Variants in NBPF3 observed in about 807,000 individuals in gnomAD.
NBPF3 encodes the protein NBPF member 3, also known as NBPF family member NBPF3.
Under a neutral mutation model 78.1 loss-of-function variants are expected in NBPF3, and 57 were observed. The ratio of observed to expected loss-of-function variants is 0.73; its 90% CI spans 0.59 to 0.91. The LOEUF (loss-of-function observed/expected upper bound fraction) is 0.91, where lower values mean the gene tolerates loss of function less well. Among genes scored for constraint, NBPF3 ranks in the 40% least tolerant of loss-of-function variants. The pLI, the probability that NBPF3 is intolerant of heterozygous loss-of-function variation, is 0.00. For synonymous variants in NBPF3, 182 were observed against 271.7 expected, an observed-to-expected ratio of 0.67 and a Z score of 3.25; for missense variants, 510 against 715.3, an observed-to-expected ratio of 0.71 and a Z score of 3.27.
At chr1:21,450,870 T>C (rs1292161161) in intron 2 of NBPF3, among the ~76,000 whole-genome samples, 1 of 152,156 alleles carries the variant, frequency 6.6e-6, no homozygotes, top group Admixed American at 6.5e-5. Context: ...GGGACAGACA[T>C]AGAATAACAG....
In NBPF3 at chr1:21,460,314, G is replaced by T. The variant is rs949814996; in HGVS notation, c.134-8374G>T. 6.6e-6 allele frequency among the ~76,000 whole-genome samples: 1 copy of T among 152,130 alleles called. No individual in the cohort carries two copies. The highest frequency in any genetic ancestry group is 2.4e-5 in the African/African-American group (1 of 41,402). On this transcript the variant is annotated intron_variant, in intron 2 of 14. Transcript: ENST00000318249. This position sits in a 1 kb window ranked among gnomAD's most constrained non-coding sequence, Gnocchi z 4.2. ...AGGTGTACATGTGCCATGTTGGTTT[G>T]CTGCACCCATTAACTCGTCATTTAC... is the stretch of plus-strand genomic sequence containing the variant.
chr1:21,440,599 C>G (rs959093198), intron 1 of NBPF3, among the ~76,000 whole-genome samples: 7 of 152,150 alleles, frequency 4.6e-5, no homozygotes, highest in African/African-American at 1.4e-4. Context: ...CTGTGGCATC[C>G]CAGGGGGTGG....
intron 1 of NBPF3, among the ~76,000 whole-genome samples, chr1:21,443,615 AT>A (rs1037009343): frequency 1.7e-3 from 251 of 147,086 alleles, no homozygotes; most frequent in African/African-American, 4.0e-3. Context: ...ACATAGAATA[AT>A]TTTTTTTTTT....
chr1:21,458,272 G>A (rs1213499079), intron 2 of NBPF3, among the ~76,000 whole-genome samples: 2 of 151,246 alleles, frequency 1.3e-5, no homozygotes, highest in African/African-American at 2.4e-5. Flanking sequence ...GAATGTCTTC[G>A]TTATTTTGTC....
At chr1:21,441,647 C>G (rs1393377481) in intron 1 of NBPF3, among the ~76,000 whole-genome samples, 1 of 147,512 alleles carries the variant, frequency 6.8e-6, no homozygotes, top group African/African-American at 2.5e-5. Context: ...GTTGAGATTG[C>G]AGTGAGCCGT....
At chr1:21,473,189 C>T (rs1245189785) in intron 6 of NBPF3, among the ~76,000 whole-genome samples, 191 bp from the exon 7 acceptor site, 1 of 152,222 alleles carries the variant, frequency 6.6e-6, no homozygotes, top group Non-Finnish European at 1.5e-5. Context: ...CTGTCTTCCT[C>T]TCTGGCTCCC....
intron 2 of NBPF3, among the ~76,000 whole-genome samples, chr1:21,456,828 A>T (rs541660681): frequency 8.5e-5 from 13 of 152,348 alleles, no homozygotes; most frequent in African/African-American, 3.1e-4. Context: ...ATCTGTTGTT[A>T]TTCTTTCAAT....
chr1:21,478,353 A>G (rs757491752), intron 9 of NBPF3, 46 bp downstream of exon 9: 2 of 1,596,190 alleles, frequency 1.3e-6, no homozygotes, highest in Non-Finnish European at 1.7e-6. Context: ...TTCATGTCCC[A>G]GGTAGACCCC....
chr1:21,468,994 C>A, intron 3 of NBPF3, 97 bp downstream of exon 3: 1 of 963,458 alleles, frequency 1.0e-6, no homozygotes, highest in Non-Finnish European at 1.6e-6. Context: ...TAAGTTCAAC[C>A]CTCCCATACT....
At chr1:21,436,812 A>G, upstream of NBPF3, 1 of 1,000,760 alleles carries the variant, frequency 1.0e-6, no homozygotes, top group Non-Finnish European at 1.3e-6. The surrounding 1 kb of genome is among the most constrained non-coding windows in gnomAD (Gnocchi z 4.3). Context: ...AGGTCCAGGT[A>G]GGAAGGGGCT....
intron 1 of NBPF3, chr1:21,442,471 C>G (rs1173948150): frequency 6.6e-6 from 1 of 152,192 alleles, no homozygotes; most frequent in Non-Finnish European, 1.5e-5. Context: ...CTGCTTCGGC[C>G]TCCCAAAGGA....
intron 7 of NBPF3, among the ~76,000 whole-genome samples, chr1:21,474,135 A>G (rs967091861): frequency 1.3e-5 from 2 of 151,924 alleles, no homozygotes; most frequent in African/African-American, 4.8e-5. Context: ...CACCCCATCA[A>G]TGCAATGGCT....
At chr1:21,468,563 G>A (rs1642404091) in intron 2 of NBPF3, 125 bp from the exon 3 acceptor site, 1 of 1,573,724 alleles carries the variant, frequency 6.4e-7, no homozygotes, top group Non-Finnish European at 8.6e-7. Flanking sequence ...GTGCTGCGGG[G>A]ACTGATCACA....
rs1164085717 is a variant in NBPF3, at chr1:21,474,205, TTTTTC to T, written c.940+625_940+629del. ...CTCTTTTTCTTTTCTTTTCTTTTTC[TTTTTC>T]TTTTTTTTTTTGTGATGGAGTCTGG... On this transcript the variant is annotated intron_variant, in intron 7 of 14. Coordinates refer to ENST00000318249, the MANE Select transcript of NBPF3 (RefSeq NM_032264.6). 8.1e-5 allele frequency among the ~76,000 whole-genome samples: 6 copies of T among 73,718 alleles called. No individual in the cohort carries two copies. In the East Asian group the frequency reaches 0.012, roughly 151 times the overall value. 48.4% of individuals were successfully genotyped at this position (73,718 alleles called of 152,430 possible). A position where few individuals can be genotyped will look rare whatever the true frequency, so the allele number is the denominator to read the frequency against.
At chr1:21,473,710 C>A in intron 7 of NBPF3, 125 bp downstream of exon 7, 1 of 874,730 alleles carries the variant, frequency 1.1e-6, no homozygotes, top group Non-Finnish European at 1.8e-6. Flanking sequence ...ACAGAGATAT[C>A]AAGGAGGTTT....
intron 2 of NBPF3, among the ~76,000 whole-genome samples, chr1:21,451,399 T>A (rs1158449043): frequency 6.6e-6 from 1 of 152,240 alleles, no homozygotes; most frequent in Non-Finnish European, 1.5e-5. Flanking sequence ...ATGCCAGATA[T>A]TTTCCCCAAA....
chr1:21,444,705 G>A (rs185038976), intron 1 of NBPF3, among the ~76,000 whole-genome samples: 66 of 152,238 alleles, frequency 4.3e-4, no homozygotes, highest in African/African-American at 1.6e-3. Context: ...CTACAAGTGT[G>A]TGCCACCATG....
chr1:21,479,886 C>T (rs1323367374), intron 10 of NBPF3, among the ~76,000 whole-genome samples, 165 bp from the exon 11 acceptor site: 1 of 141,540 alleles, frequency 7.1e-6, no homozygotes, highest in Non-Finnish European at 1.6e-5. Context: ...TCCTTTTCTA[C>T]CTGGCCCTGG....
chr1:21,477,708 A>G (rs776296752), intron 8 of NBPF3, among the ~76,000 whole-genome samples: 51 of 151,892 alleles, frequency 3.4e-4, no homozygotes, highest in Non-Finnish European at 5.3e-4. Flanking sequence ...AATTGAAAAA[A>G]TAAACATATT....
Sources: allele counts gnomAD v4.1 joint callset (sites outside exome capture counted in the v4.1 genomes callset), GRCh38; gene constraint gnomAD v4.1.1; non-coding constraint Gnocchi (gnomAD v3.1); transcripts MANE v1.5; gene names NCBI Gene and HGNC (gene_info 2026-07-23, HGNC 2026-07-21).